The following ACY1 variants were observed in gnomAD, a reference collection of about 807,000 sequenced individuals.
ACY1 encodes the protein aminoacylase-1.
In ACY1, 38 loss-of-function variants were observed where a neutral mutation model predicts 53.3. The observed-to-expected ratio is 0.71, with a 90% CI of 0.55 to 0.93. The LOEUF (loss-of-function observed/expected upper bound fraction) is 0.93. ACY1 is among the 40% of genes least tolerant of loss of function. The pLI is 0.00. For synonymous variants in ACY1, 177 were observed against 202.1 expected (o/e 0.88, Z 1.05); for missense variants, 484 against 540.9 (o/e 0.89, Z 1.04).
chr3:51,984,987 A>T, intron 2 of ACY1: 1 of 612,262 alleles, frequency 1.6e-6, no homozygotes. Flanking sequence ...CCTTCCTCCA[A>T]CCCTGTGTCC....
At chr3:51,985,582 C>A in intron 4 of ACY1, 117 bp downstream of exon 4, 2 of 992,432 alleles carry the variant, frequency 2.0e-6, no homozygotes, top group Non-Finnish European at 3.1e-6. Context: ...CACTAACTCT[C>A]AACATCCTTA....
At chr3:51,987,288 T>TAGCCTGCCCCC in intron 10 of ACY1, 21 bp from the exon 11 acceptor site, 1 of 1,614,052 alleles carries the variant, frequency 6.2e-7, no homozygotes, top group Non-Finnish European at 8.5e-7. Flanking sequence ...TTGCTGCCGC[T>TAGCCTGCCCCC]ACCCTGCCCC....
At chr3:51,986,107 A>T in intron 5 of ACY1, 148 bp from the exon 6 acceptor site, 1 of 1,080,358 alleles carries the variant, frequency 9.3e-7, no homozygotes, top group African/African-American at 1.6e-5. Context: ...GGAGATTCAG[A>T]CCAGAGAGGG....
rs768411838 is a variant in ACY1 at position 51,987,470 on chromosome 3, G to A, written c.852+17G>A. 37 of 1,614,066 alleles carry A rather than the reference G, an allele frequency of 2.3e-5. No individual in the cohort carries two copies. The highest frequency in any genetic ancestry group is 3.1e-5 in the Non-Finnish European group (37 of 1,180,040). On this transcript the variant is annotated intron_variant, in intron 11 of 14. Coordinates refer to ENST00000636358, the MANE Select transcript of ACY1 (RefSeq NM_000666.3). ...GACTTCAAGGTGCCACCTCCACCTGGGTTTGGAGGAGGGATCCTGGGTCCT... is the reference window on the plus strand; with the variant it reads ...GACTTCAAGGTGCCACCTCCACCTGAGTTTGGAGGAGGGATCCTGGGTCCT...
rs183323554 is a variant in ACY1, at chr3:51,987,743, G to A, written c.921+119G>A. On this transcript the variant is annotated intron_variant, in intron 12 of 14. Coordinates refer to ENST00000636358, the MANE Select transcript of ACY1 (RefSeq NM_000666.3). ...TCTGGGCATTTCTTTATCTGTGACA[G>A]ACACATTTTATTCCAACAAGCATTC... is the stretch of plus-strand genomic sequence containing the variant. The A allele has an allele frequency of 1.5e-4, 166 of 1,101,642 alleles. 1 individual carries two copies. In the African/African-American group the frequency reaches 2.2e-3, roughly 14 times the overall value. 68.2% of individuals were successfully genotyped at this position (1,101,642 alleles called of 1,614,324 possible).
intron 7 of ACY1, 45 bp from the exon 8 acceptor site, chr3:51,986,560 G>A (rs1701065893): frequency 6.2e-7 from 1 of 1,613,854 alleles, no homozygotes; most frequent in Non-Finnish European, 8.5e-7. Flanking sequence ...GGCTGCTAGT[G>A]GGGACTGAGC....
intron 12 of ACY1, chr3:51,988,095 G>T (rs1001358393): frequency 3.0e-6 from 1 of 328,482 alleles, no homozygotes; most frequent in Non-Finnish European, 5.9e-6. Context: ...CGAACTCCTG[G>T]CCTCAAGTGA....
At chr3:51,988,425 G>A (rs1411666858) in intron 12 of ACY1, 99 bp from the exon 13 acceptor site, 7 of 1,030,642 alleles carry the variant, frequency 6.8e-6, no homozygotes, top group South Asian at 1.3e-5. Flanking sequence ...AGGAGTGGGG[G>A]TGGGGAGGTG....
intron 8 of ACY1, 161 bp from the exon 9 acceptor site, chr3:51,986,827 C>G: frequency 8.0e-7 from 1 of 1,251,016 alleles, no homozygotes; most frequent in Admixed American, 2.0e-5. Context: ...TGAGGGCAAG[C>G]CCTGAATGGG....
chr3:51,988,915 G>T lies in ACY1; in HGVS notation c.1067G>T (p.Gly356Val), dbSNP rs1701171347. 5 of 1,614,076 alleles carry T rather than the reference G, an allele frequency of 3.1e-6. No homozygotes were observed. Among genetic ancestry groups the T allele is most frequent in the Non-Finnish European group, 4.2e-6 (5 of 1,180,040 alleles). ...GGCTCTTCCTCACCCCTGCAGGTGGGGGTCCCAGCTCTAGGCTTCTCACCC... is the reference window on the plus strand; with the variant it reads ...GGCTCTTCCTCACCCCTGCAGGTGGTGGTCCCAGCTCTAGGCTTCTCACCC... ...ATDNRYIRAV[G>V]VPALGFSPMN... Residue 356 changes from glycine (G) to valine (V), a missense_variant, in exon 15 of 15, where the codon GGG becomes GTG. By Grantham distance (109) the Gly-to-Val change is moderately radical (BLOSUM62 -3). Transcript: ENST00000636358.
At chr3:51,988,111 C>A (rs774572681) in intron 12 of ACY1, 17 of 334,970 alleles carry the variant, frequency 5.1e-5, no homozygotes, top group Non-Finnish European at 9.2e-5. Context: ...AGTGATCCAC[C>A]CACCTTGGCC....
At chr3:51,986,360 AGG>A (rs761700250) in intron 6 of ACY1, 29 bp downstream of exon 6, 4 of 361,860 alleles carry the variant, frequency 1.1e-5, no homozygotes, top group South Asian at 7.5e-5. Flanking sequence ...CCTTTGGGAA[AGG>A]GGAGGGTGGG....
At chr3:51,984,191 G>C in intron 2 of ACY1, 33 bp downstream of exon 2, 2 of 1,597,456 alleles carry the variant, frequency 1.3e-6, no homozygotes, top group Non-Finnish European at 1.7e-6. Context: ...GCCTGTGACG[G>C]GGCCTAAGGG....
Position 51,985,246 on chromosome 3 carries a change from T to G in ACY1, c.134T>G (p.Leu45Arg), listed in dbSNP as rs1213449610. 6.2e-7 allele frequency: 1 copy of G among 1,609,030 alleles called. No individual in the cohort carries two copies. Among genetic ancestry groups the G allele is most frequent in the Middle Eastern group, 1.7e-4 (1 of 5,964 alleles). The change falls in exon 3 of 15, where the codon CTG becomes CGG. Residue 45 changes from leucine to arginine, a missense_variant. By Grantham distance (102) the Leu-to-Arg change is moderately radical (BLOSUM62 -2). Transcript: ENST00000636358. ...VAFFEETARQ[L>R]GLGCQKVEVA... The stretch of plus-strand genomic sequence containing the variant: ...TTCTTTGAGGAGACAGCCCGCCAGC[T>G]GGGCCTGGGCTGTCAGAAAGTAGAG...
chr3:51,986,692 C>G, intron 8 of ACY1, 31 bp downstream of exon 8: 1 of 1,611,970 alleles, frequency 6.2e-7, no homozygotes, highest in Non-Finnish European at 8.5e-7. Context: ...AGGGCTCACT[C>G]TACAGGCGGG....
In ACY1 at chr3:51,984,082, C is replaced by G; in HGVS notation, c.18C>G (p.Pro6=). 6 of 1,613,478 alleles carry G rather than the reference C, an allele frequency of 3.7e-6. No homozygotes were observed. Among genetic ancestry groups the G allele is most frequent in the Admixed American group, 1.7e-5 (1 of 59,998 alleles). ...GCAGCGCCATGACCAGCAAGGGTCC[C>G]GAGGAGGAGCACCCATCGGTGACGC... MTSKG[P]EEEHPSVTLF... is the part of the protein sequence containing the mutation. The change falls in exon 2 of 15, where the codon CCC becomes CCG. Residue 6 remains proline (P), a synonymous_variant. Coordinates refer to ENST00000636358, the MANE Select transcript of ACY1 (RefSeq NM_000666.3).
chr3:51,984,265 C>G (rs1700981971), intron 2 of ACY1, 107 bp downstream of exon 2: 1 of 1,035,364 alleles, frequency 9.7e-7, no homozygotes. Flanking sequence ...ACTCTGCTGT[C>G]CCAAATGGCT....
chr3:51,986,743 C>T, intron 8 of ACY1, 82 bp downstream of exon 8: 2 of 1,559,212 alleles, frequency 1.3e-6, no homozygotes, highest in Non-Finnish European at 1.8e-6. Context: ...CAGGGTTGCA[C>T]AGCAAAGTTG....
rs1658024586 is a variant in ACY1 at position 51,988,393 on chromosome 3, AC to A, written c.922-128del. 5 of 812,666 alleles carry A rather than the reference AC, an allele frequency of 6.2e-6. No individual in the cohort carries two copies. The South Asian group carries it at 7.1e-5, about 12-fold the overall frequency. 50.3% of individuals were successfully genotyped at this position (812,666 alleles called of 1,614,324 possible). On this transcript the variant is annotated intron_variant, in intron 12 of 14. Coordinates refer to ENST00000636358, the MANE Select transcript of ACY1 (RefSeq NM_000666.3). ...AAGAGGACCTGTGGCTGGACTGGCTACCCAGATGTCTGGGTAGGTGAAGGAG... is the reference window on the plus strand; with the variant it reads ...AAGAGGACCTGTGGCTGGACTGGCTACCAGATGTCTGGGTAGGTGAAGGAG...
Sources: gnomAD v4.1 joint callset for allele counts on GRCh38, gnomAD v4.1.1 for gene constraint, MANE v1.5 for transcripts, NCBI Gene and HGNC (gene_info 2026-07-23, HGNC 2026-07-21) for gene names.